The following MDGA2 variants were observed in gnomAD, a reference collection of about 807,000 sequenced individuals.
MDGA2 encodes the protein MAM domain-containing glycosylphosphatidylinositol anchor protein 2.
A neutral mutation model predicts 117.8 loss-of-function variants in MDGA2; 40 were observed. The observed-to-expected ratio is 0.34, with a 90% confidence interval of 0.26 to 0.44. The LOEUF is 0.44. MDGA2 is among the 20% of genes least tolerant of loss of function. The pLI, the probability that MDGA2 is intolerant of heterozygous loss-of-function variation, is 1.00. For missense variants in MDGA2, 1,123 were observed against 1,250.6 expected, an observed-to-expected ratio of 0.90 and a Z score of 1.54; for synonymous variants, 452 against 439.0, an observed-to-expected ratio of 1.03 and a Z score of -0.37.
At chr14:47,516,093 T>C (rs1355230668) in intron 1 of MDGA2, among the ~76,000 whole-genome samples, 2 of 152,118 alleles carry the variant, frequency 1.3e-5, no homozygotes, top group African/African-American at 4.8e-5. Context: ...AGGCACAAAG[T>C]CCATTTATGC....
At chr14:47,061,599 A>C (rs1889885925) in intron 6 of MDGA2, 21 bp from the exon 7 acceptor site, 2 of 1,580,190 alleles carry the variant, frequency 1.3e-6, no homozygotes, top group Non-Finnish European at 8.6e-7. Context: ...AAAATTCCAT[A>C]AGGAGTTAGT....
chr14:47,208,100 AATC>A (rs1204164923), intron 3 of MDGA2, among the ~76,000 whole-genome samples: 2 of 152,026 alleles, frequency 1.3e-5, no homozygotes, highest in Admixed American at 1.3e-4. Context: ...TGGAGGTAGA[AATC>A]ATTTTAATTT....
chr14:47,090,630 G>A (rs1879598074), intron 6 of MDGA2, among the ~76,000 whole-genome samples: 1 of 152,150 alleles, frequency 6.6e-6, no homozygotes, highest in Non-Finnish European at 1.5e-5. Flanking sequence ...CCCTTCCAGG[G>A]AGTGGGCCAG....
At chr14:46,998,818 A>T (rs1463689191) in intron 8 of MDGA2, among the ~76,000 whole-genome samples, 1 of 152,098 alleles carries the variant, frequency 6.6e-6, no homozygotes, top group African/African-American at 2.4e-5. Context: ...CTTTTATCTT[A>T]TTCAAGGTAC....
chr14:47,489,366 T>C (rs1386169400), intron 1 of MDGA2, among the ~76,000 whole-genome samples: 1 of 152,052 alleles, frequency 6.6e-6, no homozygotes, highest in African/African-American at 2.4e-5. Flanking sequence ...TGAAATAGGC[T>C]TTTTAGTTTA....
intron 2 of MDGA2, among the ~76,000 whole-genome samples, chr14:47,288,947 T>A (rs1888781301): frequency 6.6e-6 from 1 of 152,162 alleles, no homozygotes; most frequent in African/African-American, 2.4e-5. Context: ...GTGATGAGCG[T>A]AATTTAGAAT....
chr14:47,135,832 C>T (rs1012696053), intron 4 of MDGA2, among the ~76,000 whole-genome samples: 5 of 152,080 alleles, frequency 3.3e-5, no homozygotes, highest in Non-Finnish European at 7.4e-5. Context: ...TAATGCTCCC[C>T]ATTCCTTGCT....
intron 8 of MDGA2, among the ~76,000 whole-genome samples, chr14:46,991,289 A>G (rs1257657963): frequency 6.6e-6 from 1 of 152,194 alleles, no homozygotes; most frequent in East Asian, 1.9e-4. Context: ...TATAGAATGT[A>G]AAGAAGATCT....
intron 15 of MDGA2, 53 bp from the exon 16 acceptor site, chr14:46,845,924 G>A (rs1388567): frequency 0.65 from 855,618 of 1,313,024 alleles, 283,198 homozygotes; most frequent in Admixed American, 0.77. Flanking sequence ...TTGCAGATCA[G>A]TTTCTCTTGA....
intron 2 of MDGA2, among the ~76,000 whole-genome samples, chr14:47,292,344 G>C (rs1486726937): frequency 6.6e-6 from 1 of 152,102 alleles, no homozygotes; most frequent in African/African-American, 2.4e-5. Context: ...TATTTCACAG[G>C]TCATATAACC....
chr14:47,361,207 C>CTCTCTATATATATA (rs61280975), intron 1 of MDGA2, among the ~76,000 whole-genome samples: 1 of 140,494 alleles, frequency 7.1e-6, no homozygotes, highest in Non-Finnish European at 1.5e-5. Flanking sequence ...CTCTCTCTCT[C>CTCTCTATATATATA]TATATATATA....
intron 10 of MDGA2, among the ~76,000 whole-genome samples, chr14:46,907,251 T>C (rs1219278724): frequency 1.3e-5 from 2 of 152,204 alleles, no homozygotes; most frequent in Admixed American, 1.3e-4. Flanking sequence ...GTGCTGGGGT[T>C]ACAGGCGTGA....
At chr14:47,060,294 A>C (rs895431864) in intron 7 of MDGA2, among the ~76,000 whole-genome samples, 2 of 152,068 alleles carry the variant, frequency 1.3e-5, no homozygotes, top group Non-Finnish European at 2.9e-5. Flanking sequence ...ATTCTTAAGG[A>C]GTAAAATCAA....
At chr14:47,388,740 G>A (rs1056945187) in intron 1 of MDGA2, among the ~76,000 whole-genome samples, 2 of 152,144 alleles carry the variant, frequency 1.3e-5, no homozygotes, top group Non-Finnish European at 2.9e-5. Context: ...GAGAAAAAGG[G>A]GAAAGTGATG....
intron 3 of MDGA2, among the ~76,000 whole-genome samples, chr14:47,156,428 C>T (rs1883392474): frequency 1.3e-5 from 2 of 152,042 alleles, no homozygotes; most frequent in South Asian, 2.1e-4. Flanking sequence ...TTGTTTAGTC[C>T]ACTCTCCACT....
rs146005720 is a variant in MDGA2, at chr14:47,507,931, T to C, written c.280+166586A>G. On this transcript the variant is annotated intron_variant, in intron 1 of 16. Transcript: ENST00000399232. ...AAAAACGACTGCAACTTTAATGTAG[T>C]CCAGCTCATCCTCATACATGAATCC... Among the ~76,000 whole-genome samples, 112 of 152,330 alleles carry C rather than the reference T, an allele frequency of 7.4e-4. 1 individual carries two copies. The highest frequency in any genetic ancestry group is 1.2e-3 in the Non-Finnish European group (84 of 68,020).
At chr14:47,291,062 C>T (rs948093197) in intron 2 of MDGA2, among the ~76,000 whole-genome samples, 1 of 152,098 alleles carries the variant, frequency 6.6e-6, no homozygotes, top group East Asian at 1.9e-4. Flanking sequence ...TCTTCTCAAA[C>T]TTACTGAAGA....
At position 47,312,703 on chromosome 14, in the gene MDGA2, T is replaced by G. The variant is rs536667276; in HGVS notation, c.281-11153A>C. ...TTTTTTTTTTGTTTTGTTTTGTTTT[T>G]TTTTTTTGTAGAGATAGGGTATTTC... On this transcript the variant is annotated intron_variant, in intron 1 of 16. Coordinates refer to ENST00000399232, the MANE Select transcript of MDGA2 (RefSeq NM_001113498.3). Among the ~76,000 whole-genome samples the G allele has an allele frequency of 9.4e-4, 136 of 144,978 alleles. 1 individual carries two copies. Among genetic ancestry groups the G allele is most frequent in the African/African-American group, 3.2e-3 (125 of 39,028 alleles).
intron 9 of MDGA2, among the ~76,000 whole-genome samples, chr14:46,938,996 C>A (rs1002761520): frequency 6.6e-6 from 1 of 151,922 alleles, no homozygotes; most frequent in African/African-American, 2.4e-5. Context: ...TTATGTTAAG[C>A]GAAATAAGCA....
Sources: gnomAD v4.1 joint callset for allele counts (sites outside exome capture counted in the v4.1 genomes callset) on GRCh38, gnomAD v4.1.1 for gene constraint, MANE v1.5 for transcripts, NCBI Gene and HGNC (gene_info 2026-07-23, HGNC 2026-07-21) for gene names.